RAF1: variants seen among roughly 807,000 people sequenced by gnomAD.
The protein encoded by RAF1 is Raf-1 proto-oncogene, serine/threonine kinase.
In RAF1, 27 loss-of-function variants were observed where a neutral mutation model predicts 81.1. That is an observed-to-expected ratio of 0.33 (90% CI 0.25 to 0.46). RAF1 has a LOEUF of 0.46. Ranked by LOEUF, RAF1 falls within the 20% of genes least tolerant of loss-of-function variation. The pLI is 1.00. For missense variants in RAF1, 598 were observed against 826.0 expected (o/e 0.72, Z 3.38); for synonymous variants, 298 against 294.0 (o/e 1.01, Z -0.14).
Position 12,625,491 on chromosome 3 carries a change from T to C in RAF1, c.-26-6744A>G, listed in dbSNP as rs565325146. On this transcript the variant is annotated intron_variant, in intron 1 of 17. Transcript: ENST00000442415. ...AAGTACAGCAATCTAATAGTATCTA[T>C]TAACTGTTTAAAGATTTAACTTCAC... Among the ~76,000 whole-genome samples, 36 of 152,272 alleles carry C rather than the reference T, an allele frequency of 2.4e-4. No individual in the cohort carries two copies. The South Asian group carries it at 7.5e-3, about 32-fold the overall frequency.
chr3:12,661,425 C>A (rs550947468), intron 1 of RAF1, among the ~76,000 whole-genome samples: 1 of 152,154 alleles, frequency 6.6e-6, no homozygotes, highest in African/African-American at 2.4e-5. Context: ...AAATTTAGGC[C>A]AGGCACAGTG....
intron 2 of RAF1, among the ~76,000 whole-genome samples, chr3:12,615,828 G>T (rs958751548): frequency 1.3e-5 from 2 of 152,152 alleles, no homozygotes; most frequent in Non-Finnish European, 2.9e-5. Flanking sequence ...GAGGCAGGCG[G>T]ATCAGAAGGT....
rs894831042 is a variant in RAF1, at chr3:12,584,964, G to T, written c.1746C>A (p.Gly582=). The T allele has an allele frequency of 6.2e-7, 1 of 1,613,998 alleles. No individual in the cohort carries two copies. The highest frequency in any genetic ancestry group is 1.3e-5 in the African/African-American group (1 of 74,910). The change falls in exon 17 of 18, where the codon GGC becomes GGA. Residue 582 remains glycine (G), a synonymous_variant. Coordinates refer to ENST00000442415, the MANE Select transcript of RAF1 (RefSeq NM_001354689.3). ...TAAGATCTGGGGAGGCATATCCTCG[G>T]CCCACCATGAAGATGATCTAAGGGA...
intron 1 of RAF1, among the ~76,000 whole-genome samples, chr3:12,638,644 G>GT (rs1242013394): frequency 6.6e-6 from 1 of 152,152 alleles, no homozygotes; most frequent in African/African-American, 2.4e-5. Flanking sequence ...TTCTGTCACA[G>GT]TAAACGGTAA....
At chr3:12,625,415 G>A (rs1456675021) in intron 1 of RAF1, among the ~76,000 whole-genome samples, 2 of 152,104 alleles carry the variant, frequency 1.3e-5, no homozygotes, top group Non-Finnish European at 2.9e-5. Context: ...AAAACATCTA[G>A]CACAAGCATT....
chr3:12,657,089 T>A (rs1353698868), intron 1 of RAF1, among the ~76,000 whole-genome samples: 1 of 152,052 alleles, frequency 6.6e-6, no homozygotes, highest in Admixed American at 6.6e-5. Flanking sequence ...GAACTTGCCT[T>A]ATGCTGCACC....
intron 1 of RAF1, among the ~76,000 whole-genome samples, chr3:12,633,955 A>C (rs192426930): frequency 1.8e-4 from 27 of 151,852 alleles, no homozygotes; most frequent in Non-Finnish European, 2.8e-4. Flanking sequence ...AAAAAAACAA[A>C]AAAAATCAGG....
At chr3:12,597,689 C>T (rs928446377) in intron 11 of RAF1, among the ~76,000 whole-genome samples, 1 of 151,998 alleles carries the variant, frequency 6.6e-6, no homozygotes, top group Non-Finnish European at 1.5e-5. Context: ...CCGAGGCAGG[C>T]GGATCGCTTG....
Position 12,584,928 on chromosome 3 carries a change from A to G in RAF1, c.1782T>C (p.Tyr594=). The G allele has an allele frequency of 6.2e-7, 1 of 1,614,184 alleles. No individual in the cohort carries two copies. The highest frequency in any genetic ancestry group is 8.5e-7 in the Non-Finnish European group (1 of 1,180,042). Reference sequence around the variant, plus strand: ...TCTTCATTGCTTTGGGGCAGTTCTTATATAGCTTACTAAGATCTGGGGAGG... The same window carrying G: ...TCTTCATTGCTTTGGGGCAGTTCTTGTATAGCTTACTAAGATCTGGGGAGG... The change falls in exon 17 of 18, where the codon TAT becomes TAC. Residue 594 remains tyrosine (Y), a synonymous_variant. Coordinates refer to ENST00000442415, the MANE Select transcript of RAF1 (RefSeq NM_001354689.3).
intron 1 of RAF1, among the ~76,000 whole-genome samples, chr3:12,641,282 A>T (rs1042304408): frequency 1.3e-5 from 2 of 151,998 alleles, no homozygotes; most frequent in Non-Finnish European, 2.9e-5. Flanking sequence ...TTAACTAGTT[A>T]ACTGGTGCAG....
At chr3:12,585,950 A>C in intron 14 of RAF1, 151 bp from the exon 14 acceptor site, 1 of 683,300 alleles carries the variant, frequency 1.5e-6, no homozygotes, top group Non-Finnish European at 2.6e-6. Context: ...GAAGTTCTTT[A>C]AAGTGCTTTT....
chr3:12,596,000 C>T (rs1180431229), intron 11 of RAF1, among the ~76,000 whole-genome samples: 2 of 149,966 alleles, frequency 1.3e-5, no homozygotes, highest in Non-Finnish European at 3.0e-5. Context: ...CTCAGTTTCT[C>T]GAGTAGCGGG....
intron 1 of RAF1, among the ~76,000 whole-genome samples, chr3:12,640,531 C>G (rs1310689700): frequency 1.3e-5 from 2 of 152,136 alleles, no homozygotes; most frequent in East Asian, 3.9e-4. Flanking sequence ...AGAAAAAAAT[C>G]AAACAACCCC....
chr3:12,620,155 T>C (rs2059512090), intron 1 of RAF1, among the ~76,000 whole-genome samples: 1 of 152,224 alleles, frequency 6.6e-6, no homozygotes, highest in African/African-American at 2.4e-5. Flanking sequence ...TCTTTTCTTT[T>C]CTTTTGAGAC....
At chr3:12,657,926 A>T (rs1198891869) in intron 1 of RAF1, among the ~76,000 whole-genome samples, 1 of 151,814 alleles carries the variant, frequency 6.6e-6, no homozygotes, top group Non-Finnish European at 1.5e-5. Flanking sequence ...CATTCCCTAC[A>T]TCCCTCAGCC....
intron 1 of RAF1, among the ~76,000 whole-genome samples, chr3:12,652,715 AG>A (rs2060569930): frequency 6.6e-6 from 1 of 152,030 alleles, no homozygotes; most frequent in African/African-American, 2.4e-5. Context: ...GGGGAGGCAG[AG>A]GCGGGTGGAT....
intron 1 of RAF1, among the ~76,000 whole-genome samples, chr3:12,650,430 A>G (rs886476840): frequency 3.3e-5 from 5 of 152,156 alleles, no homozygotes; most frequent in African/African-American, 1.2e-4. Context: ...ACATTGCACA[A>G]AATTAGGTAC....
At chr3:12,642,685 C>CAT (rs1175869539) in intron 1 of RAF1, among the ~76,000 whole-genome samples, 1 of 145,298 alleles carries the variant, frequency 6.9e-6, no homozygotes, top group Non-Finnish European at 1.5e-5. Context: ...CACACACACA[C>CAT]ACACACACAC....
rs2125315680 is a variant in RAF1, at chr3:12,584,524, G to C, written c.1997C>G (p.Pro666Arg). The stretch of plus-strand genomic sequence containing the variant: ...CAGGTGCAAAGTCAACTAGAAGACA[G>C]GCAGCCTCGGGGACGTGGTCAGCGT... Residue 666 changes from proline to arginine, a missense_variant, in exon 18 of 18, where the codon CCT becomes CGT. Physicochemically the swap from Pro to Arg is moderately radical, Grantham distance 103. Transcript: ENST00000442415. 6.2e-7 allele frequency: 1 copy of C among 1,614,178 alleles called. No individual in the cohort carries two copies. The highest frequency in any genetic ancestry group is 8.5e-7 in the Non-Finnish European group (1 of 1,180,046).
Sources: gnomAD v4.1 joint callset for allele counts (sites outside exome capture counted in the v4.1 genomes callset) on GRCh38, gnomAD v4.1.1 for gene constraint, MANE v1.5 for transcripts, NCBI Gene and HGNC (gene_info 2026-07-23, HGNC 2026-07-21) for gene names.